The following WDFY4 variants were observed in gnomAD, a reference collection of about 807,000 sequenced individuals.
The protein encoded by WDFY4 is WD repeat- and FYVE domain-containing protein 4.
WDFY4 carries 169 observed loss-of-function variants against 351.9 expected under a neutral mutation model. The observed-to-expected ratio is 0.48, with a 90% CI of 0.42 to 0.55. WDFY4 has a LOEUF of 0.55. Among genes scored for constraint, WDFY4 ranks in the 20% least tolerant of loss-of-function variants. WDFY4 has a pLI of 0.00. For missense variants in WDFY4, 3,803 were observed against 3,935.6 expected, an observed-to-expected ratio of 0.97 and a Z score of 0.90; for synonymous variants, 1,622 against 1,574.6, an observed-to-expected ratio of 1.03 and a Z score of -0.71.
chr10:48,786,270 C>A (rs2066402096), intron 19 of WDFY4, among the ~76,000 whole-genome samples: 1 of 152,078 alleles, frequency 6.6e-6, no homozygotes, highest in Admixed American at 6.5e-5. Context: ...ATGATAGAAA[C>A]AGTTTTATTT....
At chr10:48,950,083 G>A (rs1192688863) in intron 51 of WDFY4, among the ~76,000 whole-genome samples, 1 of 151,982 alleles carries the variant, frequency 6.6e-6, no homozygotes, top group Non-Finnish European at 1.5e-5. Flanking sequence ...ATTTTTAAGG[G>A]CACAGCTCAG....
At chr10:48,806,771 C>T (rs2448541) in intron 27 of WDFY4, among the ~76,000 whole-genome samples, 55,713 of 152,080 alleles carry the variant, frequency 0.37, 11,577 homozygotes, top group East Asian at 0.62. Flanking sequence ...CTGTCCAAGA[C>T]GAGAGCCCCT....
intron 43 of WDFY4, among the ~76,000 whole-genome samples, chr10:48,881,023 C>A (rs1478249268): frequency 6.6e-6 from 1 of 152,198 alleles, no homozygotes; most frequent in Non-Finnish European, 1.5e-5. Flanking sequence ...CATTCCCCAG[C>A]CTCCTTTCTG....
chr10:48,810,522 A>G lies in WDFY4; in HGVS notation c.4839-8A>G, dbSNP rs1248924485. On this transcript the variant is annotated splice_polypyrimidine_tract_variant and splice_region_variant and intron_variant, in intron 28 of 61. Coordinates refer to ENST00000325239, the MANE Select transcript of WDFY4 (RefSeq NM_001394531.1). The stretch of plus-strand genomic sequence containing the variant: ...GAGAGAACATTGGTTGCATTTATTA[A>G]TCCCCAGGTCAAAGGAAGAGATGTT... 6.5e-7 allele frequency: 1 copy of G among 1,548,196 alleles called. No homozygotes were observed. Among genetic ancestry groups the G allele is most frequent in the African/African-American group, 1.4e-5 (1 of 72,810 alleles).
intron 54 of WDFY4, among the ~76,000 whole-genome samples, chr10:48,964,807 G>A (rs532727240): frequency 5.1e-4 from 78 of 152,354 alleles, no homozygotes; most frequent in Middle Eastern, 6.8e-3. Context: ...TGGCCCTGTT[G>A]ATCCTTGAAC....
intron 39 of WDFY4, among the ~76,000 whole-genome samples, chr10:48,835,660 G>A (rs750136829): frequency 5.3e-5 from 8 of 152,190 alleles, no homozygotes; most frequent in Non-Finnish European, 8.8e-5. Context: ...GCATGGTTAA[G>A]CTTTTGTAAT....
At chr10:48,817,442 C>A in intron 32 of WDFY4, 33 bp downstream of exon 32, 3 of 1,517,668 alleles carry the variant, frequency 2.0e-6, no homozygotes, top group Non-Finnish European at 2.7e-6. Context: ...CCAGAGAGAG[C>A]AGTTGTGAGC....
intron 39 of WDFY4, among the ~76,000 whole-genome samples, chr10:48,862,891 C>T (rs1158667566): frequency 6.6e-6 from 1 of 152,186 alleles, no homozygotes. Flanking sequence ...TCCCTCTAGT[C>T]CTAAGCAATC....
chr10:48,808,932 A>G (rs889904539), intron 28 of WDFY4, among the ~76,000 whole-genome samples: 2 of 152,176 alleles, frequency 1.3e-5, no homozygotes, highest in Non-Finnish European at 2.9e-5. Context: ...TAAAAATTGT[A>G]TTATGTTGGT....
At chr10:48,717,582 A>G (rs891398207) in intron 2 of WDFY4, among the ~76,000 whole-genome samples, 1 of 152,122 alleles carries the variant, frequency 6.6e-6, no homozygotes, top group African/African-American at 2.4e-5. Flanking sequence ...CCCTGGGTGG[A>G]TGTTCACTTC....
At chr10:48,851,149 A>G (rs1015412792) in intron 39 of WDFY4, among the ~76,000 whole-genome samples, 2 of 152,234 alleles carry the variant, frequency 1.3e-5, no homozygotes, top group African/African-American at 4.8e-5. Flanking sequence ...ACTGAAATCC[A>G]GACTTTGCCC....
At position 48,970,237 on chromosome 10, in the gene WDFY4, T is replaced by C; in HGVS notation, c.8876T>C (p.Val2959Ala). 1 of 1,551,704 alleles carries C rather than the reference T, an allele frequency of 6.4e-7. No homozygotes were observed. The highest frequency in any genetic ancestry group is 2.4e-5 in the East Asian group (1 of 40,930). ...TCTGGGACCAGCACTGTGGTGTGTG[T>C]GTGGGAGCTCAGCATGACCAAAGGC... ...VTSGTSTVVC[V>A]WELSMTKGRP... The change falls in exon 57 of 62, where the codon GTG (valine) becomes GCG (alanine). Residue 2959 changes from valine to alanine, a missense_variant. Val to Ala is a moderately conservative substitution (Grantham distance 64, BLOSUM62 0). This residue lies in a region of WDFY4 where 3,054 missense variants were observed against 3,148.6 expected (regional missense o/e 0.97). Transcript: ENST00000325239.
Position 48,946,075 on chromosome 10 carries a change from T to C in WDFY4, c.7785T>C (p.Asp2595=), listed in dbSNP as rs1162991818. 1.3e-6 allele frequency: 2 copies of C among 1,545,180 alleles called. No homozygotes were observed. Among genetic ancestry groups the C allele is most frequent in the Admixed American group, 2.0e-5 (1 of 48,982 alleles). Residue 2595 remains aspartate (D), a synonymous_variant, in exon 50 of 62, where the codon GAT becomes GAC. Coordinates refer to ENST00000325239, the MANE Select transcript of WDFY4 (RefSeq NM_001394531.1). ...TGGCAAATCCGAAGATTTTCCGGGA[T>C]CTTTCAAAGCCCATGGGGGCTCAGA... is the stretch of plus-strand genomic sequence containing the variant. ...LNLANPKIFR[D]LSKPMGAQTK...
Position 48,976,854 on chromosome 10 carries a change from C to A in WDFY4, c.9166C>A (p.Pro3056Thr). The A allele has an allele frequency of 7.8e-6, 12 of 1,535,062 alleles. No homozygotes were observed. Among genetic ancestry groups the A allele is most frequent in the Admixed American group, 2.0e-5 (1 of 49,292 alleles). Residue 3056 changes from proline (P) to threonine (T), a missense_variant, in exon 59 of 62, where the codon CCC (proline) becomes ACC (threonine). Pro to Thr is a conservative substitution (Grantham distance 38, BLOSUM62 -1). Around this residue, in one of 3 missense-constraint regions of WDFY4, gnomAD observed 3,054 missense variants for 3,148.6 expected, o/e 0.97. Transcript: ENST00000325239. Reference sequence around the variant, plus strand: ...GTCCCTGTGGAATGTCAATGGACAGCCCCTGGCCAGCATCACCACAGCCTG... The same window carrying A: ...GTCCCTGTGGAATGTCAATGGACAGACCCTGGCCAGCATCACCACAGCCTG... ...HLSLWNVNGQ[P>T]LASITTAWGP...
At position 48,794,509 on chromosome 10, in the gene WDFY4, G is replaced by A. The variant is rs575880709; in HGVS notation, c.4258-1789G>A. Among the ~76,000 whole-genome samples the A allele has an allele frequency of 4.3e-4, 65 of 152,148 alleles. 1 individual carries two copies. In the South Asian group the frequency reaches 4.8e-3, roughly 11 times the overall value. On this transcript the variant is annotated intron_variant, in intron 23 of 61. Transcript: ENST00000325239. ...TGGAGGTGTAAATATGAGGGTCATC[G>A]CCACCATGATGATATTTAATCTAAG... is the stretch of plus-strand genomic sequence containing the variant.
intron 34 of WDFY4, among the ~76,000 whole-genome samples, chr10:48,821,792 T>A (rs922597756): frequency 6.6e-6 from 1 of 152,166 alleles, no homozygotes; most frequent in Admixed American, 6.5e-5. Flanking sequence ...ATGGAGAGAC[T>A]GGAATGCAGG....
chr10:48,774,401 G>T (rs1459943783), intron 13 of WDFY4, 57 bp from the exon 14 acceptor site: 30 of 1,534,940 alleles, frequency 2.0e-5, no homozygotes, highest in Non-Finnish European at 2.6e-5. Flanking sequence ...GCCTATAAAA[G>T]CTGTCCACAA....
At chr10:48,937,131 T>A (rs894391183) in intron 47 of WDFY4, among the ~76,000 whole-genome samples, 4 of 152,060 alleles carry the variant, frequency 2.6e-5, no homozygotes, top group Non-Finnish European at 5.9e-5. Flanking sequence ...TGACCTCAGG[T>A]GATCCGCCCA....
chr10:48,946,088 A>C lies in WDFY4; in HGVS notation c.7798A>C (p.Met2600Leu), dbSNP rs1841030702. ...GATTTTCCGGGATCTTTCAAAGCCC[A>C]TGGGGGCTCAGACCAAGGAAAGGAA... The part of the protein sequence containing the change: ...PKIFRDLSKP[M>L]GAQTKERKLK... The change falls in exon 50 of 62, where the codon ATG becomes CTG. Residue 2600 changes from methionine to leucine, a missense_variant. By Grantham distance (15) the Met-to-Leu change is conservative. Coordinates refer to ENST00000325239, the MANE Select transcript of WDFY4 (RefSeq NM_001394531.1). The C allele has an allele frequency of 5.2e-6, 8 of 1,548,708 alleles. No individual in the cohort carries two copies. The highest frequency in any genetic ancestry group is 7.0e-6 in the Non-Finnish European group (8 of 1,146,296).
Sources: allele counts gnomAD v4.1 joint callset (sites outside exome capture counted in the v4.1 genomes callset), GRCh38; gene constraint gnomAD v4.1.1; regional missense constraint gnomAD v4.1.1; transcripts MANE v1.5; gene names NCBI Gene and HGNC (gene_info 2026-07-23, HGNC 2026-07-21).